EFCAB13: variants seen among roughly 807,000 people sequenced by gnomAD.
EFCAB13 encodes the protein EF-hand calcium-binding domain-containing protein 13.
EFCAB13 carries 91 observed loss-of-function variants against 110.2 expected under a neutral mutation model. The observed-to-expected ratio is 0.83, with a 90% confidence interval of 0.70 to 0.98. The LOEUF (loss-of-function observed/expected upper bound fraction) is 0.98. EFCAB13 is among the 50% of genes least tolerant of loss of function. The pLI is 0.00. For missense variants in EFCAB13, 968 were observed against 1,119.4 expected, an observed-to-expected ratio of 0.86 and a Z score of 1.93; for synonymous variants, 323 against 369.9, an observed-to-expected ratio of 0.87 and a Z score of 1.45.
At position 47,351,558 on chromosome 17, in the gene EFCAB13, C is replaced by T. The variant is rs536964648; in HGVS notation, c.661+3607C>T. 1.2e-4 allele frequency among the ~76,000 whole-genome samples: 19 copies of T among 152,092 alleles called. No homozygotes were observed. In the East Asian group the frequency reaches 2.1e-3, roughly 17 times the overall value. ...CTGCTTTCCATTTTTTCATAATGCT[C>T]GTTTGGCCATTTATATATCTTCTTT... On this transcript the variant is annotated intron_variant, in intron 9 of 24. Coordinates refer to ENST00000331493, the MANE Select transcript of EFCAB13 (RefSeq NM_152347.5).
At chr17:47,438,196 G>A (rs1475375353) in intron 24 of EFCAB13, among the ~76,000 whole-genome samples, 1 of 152,188 alleles carries the variant, frequency 6.6e-6, no homozygotes, top group African/African-American at 2.4e-5. Context: ...TGGTGCTTCT[G>A]TCTCACAGCT....
chr17:47,329,884 G>A (rs1051202632), intron 4 of EFCAB13: 1 of 151,928 alleles, frequency 6.6e-6, no homozygotes, highest in African/African-American at 2.4e-5. Flanking sequence ...AAATCAAATT[G>A]CCTTTTTGAA....
At chr17:47,423,618 G>T (rs1223322551) in intron 23 of EFCAB13, 1 of 356,924 alleles carries the variant, frequency 2.8e-6, no homozygotes, top group African/African-American at 2.1e-5. Context: ...CGCGCGCCCC[G>T]GTCCATTGTT....
At chr17:47,353,942 T>C (rs1278054555) in intron 9 of EFCAB13, among the ~76,000 whole-genome samples, 3 of 152,184 alleles carry the variant, frequency 2.0e-5, no homozygotes, top group Non-Finnish European at 4.4e-5. Flanking sequence ...TGTTCTTGTT[T>C]CTCTAGTACC....
chr17:47,380,818 C>T (rs1350714231), intron 14 of EFCAB13, among the ~76,000 whole-genome samples: 1 of 151,228 alleles, frequency 6.6e-6, no homozygotes, highest in Non-Finnish European at 1.5e-5. Flanking sequence ...ATTTGCATTT[C>T]TCTAATGACC....
intron 11 of EFCAB13, among the ~76,000 whole-genome samples, chr17:47,372,984 GTTC>G (rs771787429): frequency 4.6e-5 from 7 of 151,880 alleles, no homozygotes; most frequent in Non-Finnish European, 1.0e-4. Context: ...ATTGTTTTCT[GTTC>G]TTCTTTATGT....
intron 9 of EFCAB13, among the ~76,000 whole-genome samples, chr17:47,358,332 G>A (rs1264101344): frequency 1.3e-5 from 2 of 151,866 alleles, no homozygotes; most frequent in African/African-American, 4.8e-5. Flanking sequence ...AAAATAAAAG[G>A]GAAAAATGCA....
At chr17:47,395,155 GC>G (rs1377328825) in intron 16 of EFCAB13, among the ~76,000 whole-genome samples, 8 of 152,076 alleles carry the variant, frequency 5.3e-5, no homozygotes, top group African/African-American at 1.9e-4. Context: ...TACTTTTGTT[GC>G]ACCTATCTGG....
intron 14 of EFCAB13, among the ~76,000 whole-genome samples, chr17:47,388,569 G>GTA (rs2065689101): frequency 1.3e-5 from 2 of 152,100 alleles, no homozygotes; most frequent in Non-Finnish European, 2.9e-5. Context: ...AATTTATGTA[G>GTA]TATGTATCGG....
chr17:47,432,503 T>C (rs574978782), intron 24 of EFCAB13, among the ~76,000 whole-genome samples: 5 of 152,198 alleles, frequency 3.3e-5, no homozygotes, highest in African/African-American at 1.2e-4. Context: ...GAGGCAAGAA[T>C]TGCTTGAGCC....
At chr17:47,377,609 A>G (rs1194675298) in intron 12 of EFCAB13, 157 bp from the exon 13 acceptor site, 1 of 517,016 alleles carries the variant, frequency 1.9e-6, no homozygotes, top group African/African-American at 2.0e-5. Flanking sequence ...ATATAATGTA[A>G]TATAAACAGA....
At chr17:47,393,741 TAAATAAATAAATAAAA>T (rs2065721663) in intron 15 of EFCAB13, among the ~76,000 whole-genome samples, 2 of 148,510 alleles carry the variant, frequency 1.3e-5, no homozygotes, top group South Asian at 2.1e-4. Context: ...AATAAATAAA[TAAATAAATAAATAAAA>T]ATAAAAATAA....
chr17:47,387,262 T>C (rs1168351998), intron 14 of EFCAB13, among the ~76,000 whole-genome samples: 1 of 152,232 alleles, frequency 6.6e-6, no homozygotes, highest in Non-Finnish European at 1.5e-5. Context: ...TTCGATGTGC[T>C]GATGAGAATA....
chr17:47,350,258 A>T (rs1222869188), intron 9 of EFCAB13, among the ~76,000 whole-genome samples: 1 of 152,184 alleles, frequency 6.6e-6, no homozygotes, highest in East Asian at 1.9e-4. Flanking sequence ...TTTTGTCATA[A>T]AAGGCATTAC....
In EFCAB13 at chr17:47,341,974, G is replaced by T. The variant is rs754146644; in HGVS notation, c.245G>T (p.Gly82Val). Reference protein sequence around the residue: ...CGEEKSSDFSGEKKVGRKSLQ... With the variant: ...CGEEKSSDFSVEKKVGRKSLQ... ...GAAGAAAAGTCCTCTGATTTTTCAG[G>T]AGAAAAAAAAGTTGGGAGAAAGAGT... Residue 82 changes from glycine (G) to valine (V), a missense_variant, in exon 6 of 25, where the codon GGA becomes GTA. Gly to Val is a moderately radical substitution (Grantham distance 109). Coordinates refer to ENST00000331493, the MANE Select transcript of EFCAB13 (RefSeq NM_152347.5). 7 of 1,597,318 alleles carry T rather than the reference G, an allele frequency of 4.4e-6. No individual in the cohort carries two copies. The Admixed American group carries it at 5.2e-5, about 12-fold the overall frequency.
At chr17:47,366,314 G>GTA (rs2065545474) in intron 10 of EFCAB13, among the ~76,000 whole-genome samples, 2 of 144,952 alleles carry the variant, frequency 1.4e-5, no homozygotes, top group Admixed American at 1.4e-4. Context: ...TGGTATAGCA[G>GTA]TTTTTTTTTT....
At chr17:47,370,194 A>G (rs2051648147) in intron 10 of EFCAB13, among the ~76,000 whole-genome samples, 1 of 152,238 alleles carries the variant, frequency 6.6e-6, no homozygotes, top group African/African-American at 2.4e-5. Context: ...TAAGAGCTTA[A>G]AACATGACTA....
intron 6 of EFCAB13, among the ~76,000 whole-genome samples, chr17:47,342,748 A>G (rs1341990422): frequency 6.6e-6 from 1 of 152,056 alleles, no homozygotes; most frequent in Non-Finnish European, 1.5e-5. Flanking sequence ...ATCTTCTGTT[A>G]GATGTGTATT....
chr17:47,423,931 C>T (rs1206065159), intron 23 of EFCAB13, among the ~76,000 whole-genome samples: 4 of 151,992 alleles, frequency 2.6e-5, no homozygotes, highest in African/African-American at 7.2e-5. Flanking sequence ...CGGCCAGCTC[C>T]GTCTACGCGC....
Sources: allele counts gnomAD v4.1 joint callset (sites outside exome capture counted in the v4.1 genomes callset), GRCh38; gene constraint gnomAD v4.1.1; transcripts MANE v1.5; gene names NCBI Gene and HGNC (gene_info 2026-07-23, HGNC 2026-07-21).